Variants in OSBPL10 observed in about 807,000 individuals in gnomAD.
The protein encoded by OSBPL10 is oxysterol binding protein like 10.
OSBPL10 carries 49 observed loss-of-function variants against 81.7 expected under a neutral mutation model. The ratio of observed to expected loss-of-function variants is 0.60; its 90% CI spans 0.48 to 0.76. The LOEUF (loss-of-function observed/expected upper bound fraction) is 0.76. Ranked by LOEUF, OSBPL10 falls within the 30% of genes least tolerant of loss-of-function variation. The pLI is 0.00. For missense variants in OSBPL10, 923 were observed against 987.8 expected (o/e 0.93, Z 0.88); for synonymous variants, 419 against 383.6 (o/e 1.09, Z -1.08).
At chr3:31,966,367 A>G (rs1422446637) in intron 1 of OSBPL10, among the ~76,000 whole-genome samples, 5 of 151,828 alleles carry the variant, frequency 3.3e-5, no homozygotes, top group Admixed American at 3.3e-4. Context: ...AAGAAATGAT[A>G]ATTTAATAAT....
intron 2 of OSBPL10, among the ~76,000 whole-genome samples, chr3:32,002,993 AAG>A (rs1169705131): frequency 6.6e-6 from 1 of 152,168 alleles, no homozygotes; most frequent in African/African-American, 2.4e-5. Flanking sequence ...TAGGTCAGGG[AAG>A]ACTGTCTGCA....
At chr3:31,948,458 C>T (rs576656234) in intron 1 of OSBPL10, among the ~76,000 whole-genome samples, 71 of 152,298 alleles carry the variant, frequency 4.7e-4, no homozygotes, top group African/African-American at 1.5e-3. Context: ...CTATTGCAAG[C>T]AGCAGCCTGC....
Position 31,677,853 on chromosome 3 carries a change from G to A in OSBPL10, c.1726+5781C>T, listed in dbSNP as rs536752966. ...TCCCAGCACTTTGGGAGGCCGAGGC[G>A]GGTGGATCATGAGGTCAGGAGATCG... On this transcript the variant is annotated intron_variant, in intron 8 of 11. Transcript: ENST00000396556. Among the ~76,000 whole-genome samples the A allele has an allele frequency of 7.6e-4, 114 of 149,388 alleles. 1 individual carries two copies. Among genetic ancestry groups the A allele is most frequent in the African/African-American group, 2.4e-3 (94 of 39,242 alleles).
At chr3:31,677,908 C>T (rs1280805984) in intron 8 of OSBPL10, among the ~76,000 whole-genome samples, 5 of 149,682 alleles carry the variant, frequency 3.3e-5, no homozygotes, top group South Asian at 2.1e-4. Flanking sequence ...GGTGAAACCC[C>T]GTCTCTACTA....
intron 3 of OSBPL10, among the ~76,000 whole-genome samples, chr3:31,837,549 T>C (rs1482294830): frequency 3.3e-5 from 5 of 151,040 alleles, no homozygotes; most frequent in Non-Finnish European, 7.4e-5. Context: ...TCATTCCTTT[T>C]AATATTAGAA....
chr3:31,866,206 C>T (rs1369163294), intron 3 of OSBPL10, among the ~76,000 whole-genome samples: 1 of 152,300 alleles, frequency 6.6e-6, no homozygotes, highest in East Asian at 1.9e-4. Flanking sequence ...GAATTCCCCA[C>T]TCCTGTCTCC....
At chr3:31,893,041 G>A (rs9841850) in intron 1 of OSBPL10, among the ~76,000 whole-genome samples, 39,791 of 151,830 alleles carry the variant, frequency 0.26, 5,237 homozygotes, top group East Asian at 0.34. Context: ...GCGATAAAAA[G>A]TAAGAGCCAG....
intron 4 of OSBPL10, among the ~76,000 whole-genome samples, chr3:31,808,490 T>C (rs1699576853): frequency 6.6e-6 from 1 of 152,202 alleles, no homozygotes; most frequent in Non-Finnish European, 1.5e-5. Flanking sequence ...GGAAATAATA[T>C]GAGAACAAGC....
At chr3:31,907,765 C>T (rs1696454219) in intron 1 of OSBPL10, among the ~76,000 whole-genome samples, 1 of 151,038 alleles carries the variant, frequency 6.6e-6, no homozygotes, top group Non-Finnish European at 1.5e-5. Flanking sequence ...CTATTCAATA[C>T]TTGTTGATAT....
At position 31,735,399 on chromosome 3, in the gene OSBPL10, C is replaced by T. The variant is rs559515787; in HGVS notation, c.941-1988G>A. Among the ~76,000 whole-genome samples the T allele has an allele frequency of 3.5e-4, 54 of 152,244 alleles. No homozygotes were observed. In the South Asian group the frequency reaches 8.5e-3, roughly 24 times the overall value. ...AGGCTACAGTAAGCGGTGATTGCAC[C>T]ACTACCCTCCAGCCTGGGTGACAAT... On this transcript the variant is annotated intron_variant, in intron 5 of 11. Transcript: ENST00000396556.
chr3:31,916,970 T>A (rs1696773782), intron 1 of OSBPL10, among the ~76,000 whole-genome samples: 1 of 152,234 alleles, frequency 6.6e-6, no homozygotes, highest in South Asian at 2.1e-4. Context: ...TGTTCTAATA[T>A]TTAGATTTCA....
At chr3:31,783,847 TA>T (rs1698788769) in intron 4 of OSBPL10, among the ~76,000 whole-genome samples, 1 of 105,712 alleles carries the variant, frequency 9.5e-6, no homozygotes, top group Non-Finnish European at 1.9e-5. Flanking sequence ...TATATATATA[TA>T]TATATATATA....
chr3:32,004,123 A>G (rs1003762385), intron 2 of OSBPL10, among the ~76,000 whole-genome samples: 3 of 152,208 alleles, frequency 2.0e-5, no homozygotes, highest in Non-Finnish European at 4.4e-5. Flanking sequence ...AACTTATATT[A>G]TTTTAAATGA....
At chr3:31,922,681 T>C (rs1329263806) in intron 1 of OSBPL10, among the ~76,000 whole-genome samples, 2 of 152,166 alleles carry the variant, frequency 1.3e-5, no homozygotes, top group Non-Finnish European at 2.9e-5. Flanking sequence ...ATTAATTTTT[T>C]TTAAAAAACT....
At chr3:31,831,182 A>G (rs1284184717) in intron 3 of OSBPL10, among the ~76,000 whole-genome samples, 1 of 152,098 alleles carries the variant, frequency 6.6e-6, no homozygotes, top group Non-Finnish European at 1.5e-5. Context: ...CAAGGCGGGC[A>G]GATCACCTGA....
At position 31,829,918 on chromosome 3, in the gene OSBPL10, G is replaced by T. The variant is rs577280066; in HGVS notation, c.729+122C>A. On this transcript the variant is annotated intron_variant, in intron 4 of 11. Transcript: ENST00000396556. ...GACCGTCACAGCCGTGTGGCTGGGAGGTTTGCTGCTGGTCCTCTCTCCATA... is the reference window on the plus strand; with the variant it reads ...GACCGTCACAGCCGTGTGGCTGGGATGTTTGCTGCTGGTCCTCTCTCCATA... 6.2e-6 allele frequency: 6 copies of T among 962,132 alleles called. No individual in the cohort carries two copies. In the East Asian group the frequency reaches 1.7e-4, roughly 27 times the overall value. The allele number at this position is 962,132 out of a possible 1,614,324, so 59.6% of individuals were successfully genotyped here.
At chr3:31,663,964 C>T (rs1575460093) in intron 11 of OSBPL10, 115 bp downstream of exon 11, 1 of 1,609,314 alleles carries the variant, frequency 6.2e-7, no homozygotes, top group East Asian at 2.2e-5. Context: ...CCTAGTCCAT[C>T]CCTTCCCCTG....
At chr3:31,844,027 A>G (rs1700568733) in intron 3 of OSBPL10, among the ~76,000 whole-genome samples, 1 of 152,226 alleles carries the variant, frequency 6.6e-6, no homozygotes, top group Admixed American at 6.5e-5. Flanking sequence ...AGAGTAGTAC[A>G]AAGATTGTTT....
At chr3:31,780,120 T>G (rs1018187256) in intron 4 of OSBPL10, among the ~76,000 whole-genome samples, 1 of 152,012 alleles carries the variant, frequency 6.6e-6, no homozygotes, top group Non-Finnish European at 1.5e-5. Flanking sequence ...GTGAAACCCC[T>G]TCTCTACTAA....
Sources: gnomAD v4.1 joint callset for allele counts (sites outside exome capture counted in the v4.1 genomes callset) on GRCh38, gnomAD v4.1.1 for gene constraint, MANE v1.5 for transcripts, NCBI Gene and HGNC (gene_info 2026-07-23, HGNC 2026-07-21) for gene names.